IL20RA: variants seen among roughly 807,000 people sequenced by gnomAD.
IL20RA encodes interleukin 20 receptor subunit alpha, also known as interleukin-20 receptor subunit alpha.
A neutral mutation model predicts 36.5 loss-of-function variants in IL20RA; 29 were observed. The observed-to-expected ratio is 0.79, with a 90% CI of 0.59 to 1.08. The LOEUF is 1.08. Among genes scored for constraint, IL20RA ranks in the 50% least tolerant of loss-of-function variants. The pLI is 0.00. For missense variants in IL20RA, 652 were observed against 668.4 expected (o/e 0.98, Z 0.27); for synonymous variants, 279 against 267.1 (o/e 1.04, Z -0.43).
intron 1 of IL20RA, among the ~76,000 whole-genome samples, chr6:137,035,751 A>G (rs1008616406): frequency 1.3e-5 from 2 of 152,254 alleles, no homozygotes; most frequent in African/African-American, 4.8e-5. Context: ...TCCCTACATT[A>G]TGGGCTGCAT....
At chr6:137,028,574 G>C (rs1776173753) in intron 1 of IL20RA, among the ~76,000 whole-genome samples, 1 of 152,156 alleles carries the variant, frequency 6.6e-6, no homozygotes, top group African/African-American at 2.4e-5. Context: ...AAAAATTGGT[G>C]TTATTTCTTT....
At chr6:137,026,706 G>A (rs1445064807) in intron 1 of IL20RA, among the ~76,000 whole-genome samples, 1 of 152,152 alleles carries the variant, frequency 6.6e-6, no homozygotes, top group African/African-American at 2.4e-5. Context: ...CCGCCGAAGA[G>A]CAAAACAGGT....
At chr6:137,019,549 A>G (rs1432859430) in intron 1 of IL20RA, among the ~76,000 whole-genome samples, 2 of 152,168 alleles carry the variant, frequency 1.3e-5, no homozygotes, top group African/African-American at 4.8e-5. Flanking sequence ...TTTTATTTTA[A>G]TTTAGTTTTT....
At chr6:137,039,925 A>G (rs1776626155) in intron 1 of IL20RA, among the ~76,000 whole-genome samples, 1 of 152,232 alleles carries the variant, frequency 6.6e-6, no homozygotes, top group Non-Finnish European at 1.5e-5. Context: ...ACTTATCCCA[A>G]ATGGATAGAA....
rs184019040 is a variant in IL20RA at position 137,011,228 on chromosome 6, T to C, written c.403+46A>G. 8.0e-5 allele frequency: 117 copies of C among 1,455,122 alleles called. No homozygotes were observed. In the African/African-American group the frequency reaches 1.4e-3, roughly 18 times the overall value. 90.1% of individuals were successfully genotyped at this position (1,455,122 alleles called of 1,614,324 possible). ...GTGAGGCTGAGACTGTTAAACCTGATATGAATACATGTTTAACTGACCATT... is the reference window on the plus strand; with the variant it reads ...GTGAGGCTGAGACTGTTAAACCTGACATGAATACATGTTTAACTGACCATT... On this transcript the variant is annotated intron_variant, in intron 3 of 6. Coordinates refer to ENST00000316649, the MANE Select transcript of IL20RA (RefSeq NM_014432.4).
chr6:137,032,509 T>A (rs1562241333), intron 1 of IL20RA, among the ~76,000 whole-genome samples: 1 of 152,154 alleles, frequency 6.6e-6, no homozygotes, highest in African/African-American at 2.4e-5. Context: ...ATTTCCCGAT[T>A]GCTATTCTTT....
chr6:137,004,159 C>CGTGTTTTTTTT (rs531501235), intron 6 of IL20RA, among the ~76,000 whole-genome samples: 2 of 88,016 alleles, frequency 2.3e-5, no homozygotes, highest in African/African-American at 1.1e-4. Flanking sequence ...ATCCAGAAAG[C>CGTGTTTTTTTT]TTTTTTTTTT....
chr6:137,010,873 T>C (rs1283551714), intron 3 of IL20RA, among the ~76,000 whole-genome samples: 1 of 152,090 alleles, frequency 6.6e-6, no homozygotes, highest in African/African-American at 2.4e-5. Context: ...TTTGATATCA[T>C]TGTCATCTAG....
At chr6:137,004,174 T>TTTTTTTTTTTTTTTTTTTTTTTTTTTTTG (rs1562228088) in intron 6 of IL20RA, among the ~76,000 whole-genome samples, 1 of 124,450 alleles carries the variant, frequency 8.0e-6, no homozygotes. Context: ...TTTTTTTTTT[T>TTTTTTTTTTTTTTTTTTTTTTTTTTTTTG]TTTTTTTTTT....
chr6:137,008,507 C>T lies in IL20RA; in HGVS notation c.724+92G>A, dbSNP rs1009880587. ...TGCCTCAACCTGTTTCTGTTAGACA[C>T]GGATTTGTCAAAACCTTGTCTAAAC... On this transcript the variant is annotated intron_variant, in intron 5 of 6. Coordinates refer to ENST00000316649, the MANE Select transcript of IL20RA (RefSeq NM_014432.4). The T allele has an allele frequency of 1.7e-5, 22 of 1,317,742 alleles. 1 individual carries two copies. Among genetic ancestry groups the T allele is most frequent in the East Asian group, 5.0e-5 (2 of 39,790 alleles). 81.6% of individuals were successfully genotyped at this position (1,317,742 alleles called of 1,614,324 possible). A position where few individuals can be genotyped will look rare whatever the true frequency, so the allele number is the denominator to read the frequency against.
At chr6:137,011,589 A>G in intron 2 of IL20RA, 137 bp from the exon 3 acceptor site, 2 of 572,634 alleles carry the variant, frequency 3.5e-6, no homozygotes, top group Non-Finnish European at 5.6e-6. Flanking sequence ...TTGAGATAAA[A>G]AAGAATCCAC....
intron 1 of IL20RA, among the ~76,000 whole-genome samples, chr6:137,022,024 T>C (rs1300888441): frequency 1.3e-5 from 2 of 152,166 alleles, no homozygotes; most frequent in Non-Finnish European, 2.9e-5. Context: ...TCAGAACCCA[T>C]ACTCTTAACC....
intron 1 of IL20RA, among the ~76,000 whole-genome samples, chr6:137,033,889 A>G (rs1181325186): frequency 6.6e-6 from 1 of 152,230 alleles, no homozygotes; most frequent in East Asian, 1.9e-4. Flanking sequence ...GGAGGACACT[A>G]TTCAATTCAC....
chr6:137,044,755 G>T lies in IL20RA; in HGVS notation c.-27C>A. On this transcript the variant is annotated 5_prime_UTR_variant, in exon 1 of 7. Coordinates refer to ENST00000316649, the MANE Select transcript of IL20RA (RefSeq NM_014432.4). ...GGCGGCGGGGCTGGGTCACATGTCG[G>T]GGGGCAGCAGACTGCTCAGTCCCAC... is the stretch of plus-strand genomic sequence containing the variant. The T allele has an allele frequency of 8.2e-7, 1 of 1,212,412 alleles. No individual in the cohort carries two copies. Among genetic ancestry groups the T allele is most frequent in the Non-Finnish European group, 1.0e-6 (1 of 975,694 alleles). 75.1% of individuals were successfully genotyped at this position (1,212,412 alleles called of 1,614,324 possible).
At chr6:137,041,269 C>T (rs892468735) in intron 1 of IL20RA, among the ~76,000 whole-genome samples, 3 of 152,138 alleles carry the variant, frequency 2.0e-5, no homozygotes, top group Non-Finnish European at 4.4e-5. Context: ...TGGACTGGAT[C>T]CCGAAACAGA....
intron 1 of IL20RA, among the ~76,000 whole-genome samples, chr6:137,019,346 C>T (rs1371598304): frequency 6.6e-6 from 1 of 152,030 alleles, no homozygotes; most frequent in Non-Finnish European, 1.5e-5. Context: ...CCAGGCTGGT[C>T]TCCAACTCCT....
intron 5 of IL20RA, 39 bp downstream of exon 5, chr6:137,008,560 A>G: frequency 1.3e-6 from 2 of 1,536,778 alleles, no homozygotes; most frequent in Admixed American, 2.0e-5. Flanking sequence ...GTTTTAGCAG[A>G]TCTCCTTCCT....
intron 1 of IL20RA, among the ~76,000 whole-genome samples, chr6:137,040,792 T>C (rs903841966): frequency 6.6e-6 from 1 of 152,058 alleles, no homozygotes; most frequent in African/African-American, 2.4e-5. Flanking sequence ...AAGAGTGAAA[T>C]AAAAAATCAC....
At chr6:137,021,723 T>TTAA (rs1775913630) in intron 1 of IL20RA, among the ~76,000 whole-genome samples, 1 of 152,088 alleles carries the variant, frequency 6.6e-6, no homozygotes, top group African/African-American at 2.4e-5. Flanking sequence ...AGGCTCTGTT[T>TTAA]TAATAATAAT....
Sources: allele counts gnomAD v4.1 joint callset (sites outside exome capture counted in the v4.1 genomes callset), GRCh38; gene constraint gnomAD v4.1.1; transcripts MANE v1.5; gene names NCBI Gene and HGNC (gene_info 2026-07-23, HGNC 2026-07-21).